The following TCP11 variants were observed in gnomAD, a reference collection of about 807,000 sequenced individuals.
TCP11 encodes the protein t-complex 11.
TCP11 carries 34 observed loss-of-function variants against 45.0 expected under a neutral mutation model. The ratio of observed to expected loss-of-function variants is 0.76; its 90% CI spans 0.57 to 1.01. The LOEUF is 1.01. Among genes scored for constraint, TCP11 ranks in the 50% least tolerant of loss-of-function variants. TCP11 has a pLI of 0.00. For missense variants in TCP11, 523 were observed against 598.1 expected (o/e 0.87, Z 1.31); for synonymous variants, 227 against 227.0 (o/e 1.00, Z 0.00).
intron 9 of TCP11, 67 bp from the exon 10 acceptor site, chr6:35,118,568 C>A: frequency 2.2e-6 from 3 of 1,379,268 alleles, no homozygotes; most frequent in Non-Finnish European, 3.0e-6. Context: ...ATTCCCCCTG[C>A]ACTCTACTCA....
intron 3 of TCP11, 110 bp downstream of exon 3, chr6:35,135,997 A>T: frequency 1.4e-6 from 1 of 699,636 alleles, no homozygotes; most frequent in Non-Finnish European, 2.3e-6. Context: ...TCTCAAGTTT[A>T]AATACTCATT....
rs763098932 is a variant in TCP11, at chr6:35,122,161, T to C, written c.534A>G (p.Ala178=). ...CCGTAATGTTTTCTAGTTTCTGCAC[T>C]GCTTCATCTCGAACTGGTGCACACA... The part of the protein sequence containing the change: ...ALLCAPVRDE[A]VQKLENITDP... The change falls in exon 5 of 10, where the codon GCA becomes GCG. Residue 178 remains alanine (A), a synonymous_variant. Coordinates refer to ENST00000311875, the MANE Select transcript of TCP11 (RefSeq NM_001370687.1). 4.3e-6 allele frequency: 7 copies of C among 1,614,218 alleles called. No individual in the cohort carries two copies. The East Asian group carries it at 1.3e-4, about 31-fold the overall frequency.
At chr6:35,123,616 A>G (rs1355162245) in intron 4 of TCP11, among the ~76,000 whole-genome samples, 4 of 151,174 alleles carry the variant, frequency 2.6e-5, no homozygotes, top group Non-Finnish European at 5.9e-5. Flanking sequence ...CTAGGACTAC[A>G]GGCACATGTC....
intron 4 of TCP11, chr6:35,128,217 CTCAT>C (rs993621198): frequency 7.2e-5 from 11 of 152,298 alleles, no homozygotes; most frequent in Non-Finnish European, 1.3e-4. Context: ...CGTTTCCAAG[CTCAT>C]TCAGATTGTT....
chr6:35,133,072 G>A (rs1341373012), intron 3 of TCP11, among the ~76,000 whole-genome samples: 2 of 152,168 alleles, frequency 1.3e-5, no homozygotes, highest in South Asian at 2.1e-4. Context: ...ATTTAAGGAC[G>A]CAAATGAATC....
chr6:35,140,811 G>C lies in TCP11; in HGVS notation c.60C>G (p.Ser20=), dbSNP rs747975003. The C allele has an allele frequency of 1.3e-6, 2 of 1,545,182 alleles. No homozygotes were observed. The highest frequency in any genetic ancestry group is 1.7e-6 in the Non-Finnish European group (2 of 1,151,766). Reference sequence around the variant, plus strand: ...GGGGTCCTGAGGTTTCGGGCTTACAGGACCTGCCCTCTGAGTCGCCAGGAT... The same window carrying C: ...GGGGTCCTGAGGTTTCGGGCTTACACGACCTGCCCTCTGAGTCGCCAGGAT... ...PKYPGDSEGR[S]CKPETSGPPQ... Residue 20 remains serine, a synonymous_variant, in exon 2 of 10, where the codon TCC becomes TCG. Transcript: ENST00000311875.
intron 4 of TCP11, among the ~76,000 whole-genome samples, chr6:35,123,448 C>G (rs1394626961): frequency 1.6e-5 from 2 of 124,790 alleles, no homozygotes; most frequent in Non-Finnish European, 3.9e-5. Flanking sequence ...AACCACCCAC[C>G]ATTAAAAAAA....
Position 35,118,446 on chromosome 6 carries a change from A to G in TCP11, c.1335T>C (p.Ser445=), listed in dbSNP as rs1310948181. The G allele has an allele frequency of 1.2e-6, 2 of 1,614,146 alleles. No homozygotes were observed. The highest frequency in any genetic ancestry group is 1.7e-6 in the Non-Finnish European group (2 of 1,180,000). ...KCCLVLGVQR[S]LLDLPGGLTL... Reference sequence around the variant, plus strand: ...TAAGGCCTCCAGGAAGGTCTAATAGAGACCGCTGCACACCAAGAACCAAAC... The same window carrying G: ...TAAGGCCTCCAGGAAGGTCTAATAGGGACCGCTGCACACCAAGAACCAAAC... The change falls in exon 10 of 10, where the codon TCT becomes TCC. Residue 445 remains serine, a synonymous_variant. Coordinates refer to ENST00000311875, the MANE Select transcript of TCP11 (RefSeq NM_001370687.1).
Position 35,120,078 on chromosome 6 carries a change from A to C in TCP11, c.1115+81T>G. 6.6e-7 allele frequency: 1 copy of C among 1,518,166 alleles called. No homozygotes were observed. The highest frequency in any genetic ancestry group is 8.9e-7 in the Non-Finnish European group (1 of 1,122,792). 94.0% of individuals were successfully genotyped at this position (1,518,166 alleles called of 1,614,324 possible). On this transcript the variant is annotated intron_variant, in intron 8 of 9. Transcript: ENST00000311875. This position sits in a 1 kb window ranked among gnomAD's most constrained non-coding sequence, Gnocchi z 4.9. The stretch of plus-strand genomic sequence containing the variant: ...GGCCTTTCTGTGGTTTGTGGTAGAC[A>C]GTAAGCAATCGTTCATTACCTGCCT...
At chr6:35,139,362 C>G (rs549910011) in intron 2 of TCP11, among the ~76,000 whole-genome samples, 2 of 152,102 alleles carry the variant, frequency 1.3e-5, no homozygotes, top group African/African-American at 4.8e-5. Flanking sequence ...TTCCAGCAGA[C>G]TTACGATATT....
intron 3 of TCP11, 70 bp downstream of exon 3, chr6:35,136,037 G>T: frequency 8.6e-7 from 1 of 1,161,124 alleles, no homozygotes; most frequent in South Asian, 1.5e-5. Flanking sequence ...CTTCAAGTCT[G>T]ATCTGAAGCC....
chr6:35,141,126 A>G, intron 1 of TCP11, 79 bp downstream of exon 1: 1 of 1,311,628 alleles, frequency 7.6e-7, no homozygotes, highest in Non-Finnish European at 9.7e-7. Flanking sequence ...AAGCGTGGGA[A>G]GGCCCCTTCC....
intron 2 of TCP11, chr6:35,140,419 T>C (rs1311995150): frequency 5.7e-6 from 3 of 528,228 alleles, no homozygotes; most frequent in Admixed American, 2.7e-5. Context: ...CTGGGATCAT[T>C]TGGGTTCTTT....
Position 35,126,812 on chromosome 6 carries a change from C to T in TCP11, c.357+2250G>A, listed in dbSNP as rs574441428. ...TAGCTGGGAATAGAGGCATGTACCA[C>T]CACACCCAGTTAATTTTTCTATTTT... On this transcript the variant is annotated intron_variant, in intron 4 of 9. Transcript: ENST00000311875. Among the ~76,000 whole-genome samples, 31 of 151,986 alleles carry T rather than the reference C, an allele frequency of 2.0e-4. No individual in the cohort carries two copies. The South Asian group carries it at 5.0e-3, about 25-fold the overall frequency.
At chr6:35,130,842 C>G (rs982642580) in intron 3 of TCP11, among the ~76,000 whole-genome samples, 1 of 152,180 alleles carries the variant, frequency 6.6e-6, no homozygotes, top group African/African-American at 2.4e-5. Flanking sequence ...TACATATGAT[C>G]TGGCTATCAC....
chr6:35,139,966 A>C, intron 2 of TCP11: 1 of 1,569,590 alleles, frequency 6.4e-7, no homozygotes. Context: ...TCATTTAAAT[A>C]GACACCTCAA....
At chr6:35,119,484 T>C in intron 8 of TCP11, 93 bp from the exon 9 acceptor site, 1 of 1,473,348 alleles carries the variant, frequency 6.8e-7, no homozygotes, top group Non-Finnish European at 9.1e-7. Context: ...CCAGGCCCAC[T>C]TGAGGGAGAA....
At chr6:35,122,479 T>C (rs1370635631) in intron 4 of TCP11, 142 bp from the exon 5 acceptor site, 1 of 702,290 alleles carries the variant, frequency 1.4e-6, no homozygotes, top group Non-Finnish European at 2.4e-6. Context: ...CCATGGAATA[T>C]TATTTATCTT....
intron 3 of TCP11, among the ~76,000 whole-genome samples, chr6:35,132,413 T>C (rs1479333490): frequency 4.6e-5 from 7 of 152,248 alleles, no homozygotes; most frequent in African/African-American, 1.7e-4. Context: ...AGTGAACTTA[T>C]CAGTCTAATC....
Sources: gnomAD v4.1 joint callset for allele counts (sites outside exome capture counted in the v4.1 genomes callset) on GRCh38, gnomAD v4.1.1 for gene constraint, Gnocchi (gnomAD v3.1) non-coding constraint, MANE v1.5 for transcripts, NCBI Gene and HGNC (gene_info 2026-07-23, HGNC 2026-07-21) for gene names.